Variants in SPAST observed in about 807,000 individuals in gnomAD.
SPAST encodes spastin.
Under a neutral mutation model 76.6 loss-of-function variants are expected in SPAST, and 30 were observed. The observed-to-expected ratio is 0.39, with a 90% confidence interval of 0.29 to 0.53. The LOEUF is 0.53. Ranked by LOEUF, SPAST falls within the 20% of genes least tolerant of loss-of-function variation. The probability of loss-of-function intolerance (pLI) is 0.68; values close to 1 mark genes in which losing one functional copy is unlikely to be tolerated. For synonymous variants in SPAST, 305 were observed against 281.0 expected (o/e 1.09, Z -0.86); for missense variants, 717 against 770.5 (o/e 0.93, Z 0.82).
intron 4 of SPAST, among the ~76,000 whole-genome samples, chr2:32,108,092 G>T (rs1181937133): frequency 1.3e-5 from 2 of 152,030 alleles, no homozygotes; most frequent in African/African-American, 2.4e-5. Context: ...CCCAGATATT[G>T]GATTTAGCAG....
intron 4 of SPAST, among the ~76,000 whole-genome samples, chr2:32,108,210 T>C (rs1678397542): frequency 6.6e-6 from 1 of 152,200 alleles, no homozygotes; most frequent in South Asian, 2.1e-4. Context: ...ACAATAAAAA[T>C]AATATTCTAA....
chr2:32,068,374 T>C (rs1479283108), intron 1 of SPAST, among the ~76,000 whole-genome samples: 1 of 148,986 alleles, frequency 6.7e-6, no homozygotes, highest in African/African-American at 2.5e-5. Flanking sequence ...CAGGCTGGAG[T>C]GCAATGGCGC....
At chr2:32,151,336 T>G (rs1680078610) in intron 16 of SPAST, among the ~76,000 whole-genome samples, 1 of 152,222 alleles carries the variant, frequency 6.6e-6, no homozygotes, top group Non-Finnish European at 1.5e-5. Flanking sequence ...TGCTTACTTA[T>G]GAGTTAATAT....
intron 3 of SPAST, among the ~76,000 whole-genome samples, chr2:32,090,545 C>T (rs1392366272): frequency 6.6e-6 from 1 of 151,944 alleles, no homozygotes; most frequent in Non-Finnish European, 1.5e-5. Context: ...AAAAAACTGA[C>T]CCCCCCAAAA....
chr2:32,076,782 G>C (rs867358596), intron 1 of SPAST, among the ~76,000 whole-genome samples: 1 of 151,898 alleles, frequency 6.6e-6, no homozygotes, highest in African/African-American at 2.4e-5. Flanking sequence ...GGCTGGACTC[G>C]AGCTCCTTGG....
At chr2:32,073,464 A>G (rs376400812) in intron 1 of SPAST, among the ~76,000 whole-genome samples, 1 of 152,108 alleles carries the variant, frequency 6.6e-6, no homozygotes, top group African/African-American at 2.4e-5. Context: ...CTACTCTTCT[A>G]TATTAGTTTT....
chr2:32,064,364 G>A (rs763196006), intron 1 of SPAST, 118 bp downstream of exon 1: 9 of 944,192 alleles, frequency 9.5e-6, no homozygotes, highest in Non-Finnish European at 1.4e-5. Context: ...CCCCGGAATT[G>A]ATATGCCCCG....
Position 32,115,825 on chromosome 2 carries a change from A to G in SPAST, c.994A>G (p.Ile332Val). Residue 332 changes from isoleucine (I) to valine (V), a missense_variant, in exon 6 of 17, where the codon ATT (isoleucine) becomes GTT (valine). Physicochemically the swap from Ile to Val is conservative, Grantham distance 29. Transcript: ENST00000315285. ...SNLANLIMNE[I>V]VDNGTAVKFD... ...CCTTGCTAACCTTATAATGAATGAAATTGTGGACAAGTAAGTTTTGCCATC... is the reference window on the plus strand; with the variant it reads ...CCTTGCTAACCTTATAATGAATGAAGTTGTGGACAAGTAAGTTTTGCCATC... 6.2e-7 allele frequency: 1 copy of G among 1,608,244 alleles called. No homozygotes were observed. Among genetic ancestry groups the G allele is most frequent in the Non-Finnish European group, 8.5e-7 (1 of 1,176,594 alleles).
intron 12 of SPAST, among the ~76,000 whole-genome samples, chr2:32,138,777 A>AT (rs1379296183): frequency 6.6e-6 from 1 of 152,156 alleles, no homozygotes; most frequent in Non-Finnish European, 1.5e-5. Flanking sequence ...TTCTTCTAGC[A>AT]TTTTTATACT....
In SPAST at chr2:32,154,601, T is replaced by C; in HGVS notation, c.*105T>C. Reference sequence around the variant, plus strand: ...GAAACAGCCTAAGTTTACAGGACTTTTTAGAGTCTTACATATTTGTGCACC... The same window carrying C: ...GAAACAGCCTAAGTTTACAGGACTTCTTAGAGTCTTACATATTTGTGCACC... On this transcript the variant is annotated 3_prime_UTR_variant, in exon 17 of 17. Coordinates refer to ENST00000315285, the MANE Select transcript of SPAST (RefSeq NM_014946.4). 8.7e-7 allele frequency: 1 copy of C among 1,154,074 alleles called. No homozygotes were observed. Among genetic ancestry groups the C allele is most frequent in the African/African-American group, 1.5e-5 (1 of 65,574 alleles). The allele number at this position is 1,154,074 out of a possible 1,614,324, so 71.5% of individuals were successfully genotyped here. A position where few individuals can be genotyped will look rare whatever the true frequency, so the allele number is the denominator to read the frequency against.
At chr2:32,101,997 T>C (rs1196415084) in intron 4 of SPAST, among the ~76,000 whole-genome samples, 1 of 152,230 alleles carries the variant, frequency 6.6e-6, no homozygotes, top group Admixed American at 6.5e-5. Context: ...AGTAGTTTTT[T>C]CCAATTCTGT....
chr2:32,068,751 G>A (rs548560577), intron 1 of SPAST, among the ~76,000 whole-genome samples: 5 of 152,008 alleles, frequency 3.3e-5, no homozygotes, highest in African/African-American at 7.3e-5. Flanking sequence ...AACTTTAGCC[G>A]GATGTGGTGG....
chr2:32,122,828 T>C (rs1679063778), intron 7 of SPAST, among the ~76,000 whole-genome samples: 1 of 151,758 alleles, frequency 6.6e-6, no homozygotes, highest in Non-Finnish European at 1.5e-5. Context: ...CATGATTGCA[T>C]ATGTAGAAAA....
chr2:32,146,897 C>A (rs1331853473), intron 15 of SPAST, among the ~76,000 whole-genome samples: 8 of 129,526 alleles, frequency 6.2e-5, no homozygotes, highest in African/African-American at 2.3e-4. Context: ...ACATAAAGTG[C>A]AGAGTAAAAA....
intron 4 of SPAST, among the ~76,000 whole-genome samples, chr2:32,106,347 A>G (rs1428617042): frequency 6.6e-6 from 1 of 152,186 alleles, no homozygotes; most frequent in African/African-American, 2.4e-5. Flanking sequence ...CCTATTTTCC[A>G]GGTACCATAT....
chr2:32,074,429 A>G (rs774000025), intron 1 of SPAST, among the ~76,000 whole-genome samples: 11 of 152,136 alleles, frequency 7.2e-5, no homozygotes, highest in Non-Finnish European at 1.3e-4. Flanking sequence ...GTGCCAGGTC[A>G]AATACCAAGG....
At chr2:32,085,698 A>G (rs1677447201) in intron 1 of SPAST, among the ~76,000 whole-genome samples, 1 of 152,152 alleles carries the variant, frequency 6.6e-6, no homozygotes, top group Non-Finnish European at 1.5e-5. Flanking sequence ...GTACATAGTC[A>G]TAAGGAGACG....
chr2:32,121,155 T>C (rs533768842), intron 7 of SPAST, among the ~76,000 whole-genome samples: 1 of 152,238 alleles, frequency 6.6e-6, no homozygotes, highest in Admixed American at 6.5e-5. Flanking sequence ...TTTCTTTTTT[T>C]AGGTGGGGGC....
intron 1 of SPAST, among the ~76,000 whole-genome samples, chr2:32,066,585 T>C (rs1676520230): frequency 6.6e-6 from 1 of 151,982 alleles, no homozygotes; most frequent in Admixed American, 6.6e-5. Context: ...AGAGAAGTGC[T>C]TGAACCTGGA....
Sources: gnomAD v4.1 joint callset for allele counts (sites outside exome capture counted in the v4.1 genomes callset) on GRCh38, gnomAD v4.1.1 for gene constraint, MANE v1.5 for transcripts, NCBI Gene and HGNC (gene_info 2026-07-23, HGNC 2026-07-21) for gene names.